The following TACC2 variants were observed in gnomAD, a reference collection of about 807,000 sequenced individuals.
TACC2 encodes transforming acidic coiled-coil-containing protein 2.
TACC2 carries 137 observed loss-of-function variants against 227.3 expected under a neutral mutation model. The ratio of observed to expected loss-of-function variants is 0.60; its 90% confidence interval spans 0.52 to 0.69. The LOEUF (loss-of-function observed/expected upper bound fraction) is 0.69. TACC2 is among the 30% of genes least tolerant of loss of function. The pLI is 0.00. For synonymous variants in TACC2, 1,523 were observed against 1,487.5 expected, an observed-to-expected ratio of 1.02 and a Z score of -0.55; for missense variants, 3,470 against 3,694.4, an observed-to-expected ratio of 0.94 and a Z score of 1.57.
chr10:122,040,288 T>G (rs1158924775), intron 2 of TACC2, among the ~76,000 whole-genome samples: 1 of 152,102 alleles, frequency 6.6e-6, no homozygotes, highest in Non-Finnish European at 1.5e-5. Flanking sequence ...CCCGGGAGTG[T>G]CAGGGTCCTG....
In TACC2 at chr10:122,199,903, C is replaced by T. The variant is rs562928675; in HGVS notation, c.5971+4727C>T. Among the ~76,000 whole-genome samples the T allele has an allele frequency of 5.3e-5, 8 of 152,308 alleles. No homozygotes were observed. The South Asian group carries it at 1.2e-3, about 24-fold the overall frequency. ...CACACAGTCTTCCTCAGTCCTCTTT[C>T]GTAAGGGCACTAATCCACTCATGAG... is the stretch of plus-strand genomic sequence containing the variant. On this transcript the variant is annotated intron_variant, in intron 8 of 22. Coordinates refer to ENST00000369005, the MANE Select transcript of TACC2 (RefSeq NM_206862.4).
intron 14 of TACC2, among the ~76,000 whole-genome samples, chr10:122,228,721 A>G (rs1238331594): frequency 1.3e-5 from 2 of 152,034 alleles, no homozygotes; most frequent in African/African-American, 2.4e-5. Flanking sequence ...TTGTGCATCA[A>G]ATGTTTATTG....
chr10:122,179,655 CA>C (rs146436694), intron 7 of TACC2, among the ~76,000 whole-genome samples: 11,118 of 152,166 alleles, frequency 0.073, 1,222 homozygotes, highest in African/African-American at 0.24. Context: ...AAAAACAACT[CA>C]GGGGCCAGGC....
At position 122,134,349 on chromosome 10, in the gene TACC2, T is replaced by A. The variant is rs12412901; in HGVS notation, c.5699+1615T>A. Reference sequence around the variant, plus strand: ...ACCATGCCCACCTAATTTTCTTGTATTTTTTTTTAGTAGAGATGGGATTTT... The same window carrying A: ...ACCATGCCCACCTAATTTTCTTGTAATTTTTTTTAGTAGAGATGGGATTTT... On this transcript the variant is annotated intron_variant, in intron 6 of 22. Transcript: ENST00000369005. Among the ~76,000 whole-genome samples the A allele has an allele frequency of 8.1e-3, 1,209 of 149,014 alleles. 14 individuals are homozygous for A. Among genetic ancestry groups the A allele is most frequent in the Non-Finnish European group, 0.01 (689 of 67,154 alleles).
At chr10:122,045,052 G>A (rs1272309214) in intron 2 of TACC2, among the ~76,000 whole-genome samples, 2 of 152,134 alleles carry the variant, frequency 1.3e-5, no homozygotes, top group Non-Finnish European at 2.9e-5. Flanking sequence ...GAACAGGAAG[G>A]GGGATTCAAA....
chr10:122,173,355 G>T (rs1386815310), intron 7 of TACC2, among the ~76,000 whole-genome samples: 3 of 152,230 alleles, frequency 2.0e-5, no homozygotes. Flanking sequence ...CAGCCTCAGT[G>T]ACCCAGAGCC....
Position 122,033,023 on chromosome 10 carries a change from A to G in TACC2, c.33+11009A>G, listed in dbSNP as rs551381373. On this transcript the variant is annotated intron_variant, in intron 2 of 22. Coordinates refer to ENST00000369005, the MANE Select transcript of TACC2 (RefSeq NM_206862.4). ...ACAAAAACAAAAAAACCCCACAAAA[A>G]CACCAAAGATTGTCCATCTGGTCCT... 603 of 1,004,932 alleles carry G rather than the reference A, an allele frequency of 6.0e-4. 5 individuals are homozygous for G. In the African/African-American group the frequency reaches 9.1e-3, roughly 15 times the overall value. 62.3% of individuals were successfully genotyped at this position (1,004,932 alleles called of 1,614,324 possible). A position where few individuals can be genotyped will look rare whatever the true frequency, so the allele number is the denominator to read the frequency against.
chr10:122,025,249 A>G (rs924703399), intron 2 of TACC2, among the ~76,000 whole-genome samples: 1 of 152,082 alleles, frequency 6.6e-6, no homozygotes, highest in Non-Finnish European at 1.5e-5. Flanking sequence ...TTTTCTAACT[A>G]GATTATTATT....
At chr10:122,153,282 G>T (rs113613938) in intron 7 of TACC2, among the ~76,000 whole-genome samples, 12 of 152,278 alleles carry the variant, frequency 7.9e-5, no homozygotes, top group African/African-American at 2.6e-4. Flanking sequence ...AAGCCATAGC[G>T]CCTGGCCCGA....
In TACC2 at chr10:122,029,554, G is replaced by T. The variant is rs150904984; in HGVS notation, c.33+7540G>T. Among the ~76,000 whole-genome samples, 19 of 152,268 alleles carry T rather than the reference G, an allele frequency of 1.2e-4. No individual in the cohort carries two copies. The East Asian group carries it at 3.7e-3, about 29-fold the overall frequency. On this transcript the variant is annotated intron_variant, in intron 2 of 22. Transcript: ENST00000369005. ...TGTTCTGTTTTCTAGAAGAGATTGT[G>T]TAAAGAAATCTTACATTTTAAAAAA... is the stretch of plus-strand genomic sequence containing the variant.
intron 10 of TACC2, 41 bp downstream of exon 10, chr10:122,215,492 CG>C: frequency 6.5e-7 from 1 of 1,549,588 alleles, no homozygotes; most frequent in South Asian, 1.1e-5. Context: ...ATGCCCCCCC[CG>C]GGGGAGGTTT....
At chr10:122,227,693 G>A in intron 13 of TACC2, 144 bp from the exon 14 acceptor site, 2 of 860,994 alleles carry the variant, frequency 2.3e-6, no homozygotes, top group Non-Finnish European at 3.6e-6. Context: ...CAGCCTAGAG[G>A]CTGCATGGCC....
intron 7 of TACC2, chr10:122,163,954 C>A (rs138505408): frequency 3.1e-6 from 5 of 1,588,582 alleles, no homozygotes; most frequent in Non-Finnish European, 4.3e-6. Flanking sequence ...TGCAGCCAGC[C>A]CCAGCCAGCG....
At chr10:122,228,151 C>G (rs1449275326) in intron 14 of TACC2, 143 bp downstream of exon 14, 1 of 803,726 alleles carries the variant, frequency 1.2e-6, no homozygotes, top group Non-Finnish European at 1.9e-6. Flanking sequence ...CCACAGAAGC[C>G]AACCTGGGAA....
At chr10:122,111,081 T>C (rs12415573) in intron 5 of TACC2, among the ~76,000 whole-genome samples, 5,576 of 152,282 alleles carry the variant, frequency 0.037, 169 homozygotes, top group Middle Eastern at 0.13. Context: ...CTCTTCTTCC[T>C]CCTCCTTCCA....
intron 7 of TACC2, among the ~76,000 whole-genome samples, chr10:122,183,995 C>T (rs998249921): frequency 2.6e-5 from 4 of 152,114 alleles, no homozygotes; most frequent in African/African-American, 7.2e-5. Context: ...CTTCTGAAAC[C>T]GTGAATAGTC....
At chr10:122,041,184 T>C (rs574881631) in intron 2 of TACC2, among the ~76,000 whole-genome samples, 1 of 152,280 alleles carries the variant, frequency 6.6e-6, no homozygotes, top group African/African-American at 2.4e-5. Flanking sequence ...GAAAGTGCCA[T>C]ATATATGTGC....
chr10:122,241,995 A>G lies in TACC2; in HGVS notation c.8386A>G (p.Met2796Val), dbSNP rs774419561. Residue 2796 changes from methionine to valine, a missense_variant, in exon 19 of 23, where the codon ATG (methionine) becomes GTG (valine). Transcript: ENST00000369005. Reference sequence around the variant, plus strand: ...CGAGTATGAGAAGACCATCGCTCAGATGATAGGTAGGTGTCCTGACCTGCG... The same window carrying G: ...CGAGTATGAGAAGACCATCGCTCAGGTGATAGGTAGGTGTCCTGACCTGCG... ...VAEYEKTIAQ[M>V]IEDEQREKSV... is the part of the protein sequence containing the mutation. 6.2e-7 allele frequency: 1 copy of G among 1,614,202 alleles called. No homozygotes were observed. The highest frequency in any genetic ancestry group is 1.1e-5 in the South Asian group (1 of 91,086).
At chr10:122,045,792 A>C (rs2074904653) in intron 2 of TACC2, among the ~76,000 whole-genome samples, 1 of 152,254 alleles carries the variant, frequency 6.6e-6, no homozygotes, top group Admixed American at 6.5e-5. Context: ...TGTGCCATTC[A>C]TACAGATAGT....
Sources: gnomAD v4.1 joint callset for allele counts (sites outside exome capture counted in the v4.1 genomes callset) on GRCh38, gnomAD v4.1.1 for gene constraint, MANE v1.5 for transcripts, NCBI Gene and HGNC (gene_info 2026-07-23, HGNC 2026-07-21) for gene names.